Variants in MYO18B observed in about 807,000 individuals in gnomAD.
MYO18B encodes the protein unconventional myosin-XVIIIb.
In MYO18B, 204 loss-of-function variants were observed where a neutral mutation model predicts 273.0. That is an observed-to-expected ratio of 0.75 (90% confidence interval 0.67 to 0.84). The LOEUF is 0.84. Ranked by LOEUF, MYO18B falls within the 40% of genes least tolerant of loss-of-function variation. The pLI is 0.00. For synonymous variants in MYO18B, 1,330 were observed against 1,305.7 expected (o/e 1.02, Z -0.40); for missense variants, 3,212 against 3,287.6 (o/e 0.98, Z 0.56).
At chr22:25,774,547 TC>T (rs1368332023) in intron 7 of MYO18B, among the ~76,000 whole-genome samples, 3 of 152,164 alleles carry the variant, frequency 2.0e-5, no homozygotes, top group African/African-American at 7.2e-5. Context: ...TGAAGGTAGA[TC>T]CCCCTACTTC....
intron 12 of MYO18B, among the ~76,000 whole-genome samples, chr22:25,798,748 G>A (rs1040347819): frequency 4.6e-5 from 7 of 150,896 alleles, no homozygotes; most frequent in African/African-American, 1.7e-4. Flanking sequence ...TTATTTTTTT[G>A]TAGATAGGGG....
chr22:25,951,027 TAGGCTGGG>T (rs755801906), intron 37 of MYO18B, among the ~76,000 whole-genome samples: 48 of 152,202 alleles, frequency 3.2e-4, no homozygotes, highest in Non-Finnish European at 6.3e-4. Flanking sequence ...GAGAAAGATG[TAGGCTGGG>T]AGGCTAAGGC....
rs1601868865 is a variant in MYO18B, at chr22:26,027,255, A to G, written c.7281A>G (p.Lys2427=). ...TAGGCAGTGACCCATTCAGCTGGAA[A>G]CTCCCAAGCCTCGACTACGAACGCA... ...EPLGSDPFSW[K]LPSLDYERKT... The change falls in exon 43 of 44, where the codon AAA becomes AAG. Residue 2427 remains lysine, a synonymous_variant. Transcript: ENST00000335473. This position sits in a 1 kb window ranked among gnomAD's most constrained non-coding sequence, Gnocchi z 4.1. 2 of 1,612,846 alleles carry G rather than the reference A, an allele frequency of 1.2e-6. No individual in the cohort carries two copies. Among genetic ancestry groups the G allele is most frequent in the African/African-American group, 2.7e-5 (2 of 74,558 alleles).
rs751860012 is a variant in MYO18B, at chr22:26,026,802, C to T, written c.6828C>T (p.Pro2276=). The change falls in exon 43 of 44, where the codon CCC becomes CCT. Residue 2276 remains proline, a synonymous_variant. Transcript: ENST00000335473. ...CCACGCTGGGCCTAGAGGACTGGCC[C>T]ACTCTCCCCATTTACCAGACGACTG... ...QGSTLGLEDW[P]TLPIYQTTGA... 1 of 1,597,906 alleles carries T rather than the reference C, an allele frequency of 6.3e-7. No homozygotes were observed. The highest frequency in any genetic ancestry group is 1.3e-5 in the African/African-American group (1 of 74,114).
At chr22:25,810,385 A>ACTGTGC (rs1235934808) in intron 12 of MYO18B, among the ~76,000 whole-genome samples, 1 of 140,762 alleles carries the variant, frequency 7.1e-6, no homozygotes, top group East Asian at 2.1e-4. Flanking sequence ...GGTGTGAGCC[A>ACTGTGC]CTGTGCCTGT....
chr22:25,821,330 C>T (rs1956482422), intron 12 of MYO18B, among the ~76,000 whole-genome samples: 1 of 150,678 alleles, frequency 6.6e-6, no homozygotes, highest in African/African-American at 2.5e-5. Context: ...TCCTTGCCAG[C>T]ACTTTTGCTT....
At chr22:25,788,567 T>C (rs1458471653) in intron 11 of MYO18B, among the ~76,000 whole-genome samples, 1 of 152,220 alleles carries the variant, frequency 6.6e-6, no homozygotes, top group Non-Finnish European at 1.5e-5. Context: ...GAGGCCAGCA[T>C]TCTTGCTGTA....
chr22:25,840,365 G>A (rs1376068272), intron 17 of MYO18B, among the ~76,000 whole-genome samples: 1 of 152,206 alleles, frequency 6.6e-6, no homozygotes, highest in Non-Finnish European at 1.5e-5. Context: ...CCACATTCCA[G>A]CCCAGTGCTG....
At chr22:25,993,271 C>T (rs1385837716) in intron 40 of MYO18B, among the ~76,000 whole-genome samples, 2 of 152,178 alleles carry the variant, frequency 1.3e-5, no homozygotes, top group East Asian at 3.9e-4. Flanking sequence ...CCTTTGTACC[C>T]TTGGCTTATT....
Position 25,956,092 on chromosome 22 carries a change from G to A in MYO18B, c.6156+728G>A, listed in dbSNP as rs2092848261. Among the ~76,000 whole-genome samples the A allele has an allele frequency of 2.6e-5, 4 of 152,156 alleles. No individual in the cohort carries two copies. The South Asian group carries it at 8.3e-4, about 32-fold the overall frequency. Reference sequence around the variant, plus strand: ...AACTTGCCAAATTGAGGCTCCGAATGGTCCATTTGCTTGCCCAGGGTCACA... The same window carrying A: ...AACTTGCCAAATTGAGGCTCCGAATAGTCCATTTGCTTGCCCAGGGTCACA... On this transcript the variant is annotated intron_variant, in intron 39 of 43. Transcript: ENST00000335473.
chr22:26,027,777 A>G lies in MYO18B; in HGVS notation c.*12+87A>G, dbSNP rs1936375414. ...AGAGCAGGTGCCACTACTGTCCTTA[A>G]TGCCACAACCGATTTCTCTAGAGAC... On this transcript the variant is annotated intron_variant, in intron 43 of 43. Coordinates refer to ENST00000335473, the MANE Select transcript of MYO18B (RefSeq NM_032608.7). The surrounding 1 kb of genome is among the most constrained non-coding windows in gnomAD (Gnocchi z 4.1). 1 of 1,364,050 alleles carries G rather than the reference A, an allele frequency of 7.3e-7. No individual in the cohort carries two copies. Among genetic ancestry groups the G allele is most frequent in the Middle Eastern group, 2.6e-4 (1 of 3,800 alleles). The allele number at this position is 1,364,050 out of a possible 1,614,324, so 84.5% of individuals were successfully genotyped here.
At chr22:25,898,094 A>C (rs2091850469) in intron 28 of MYO18B, 1 of 538,924 alleles carries the variant, frequency 1.9e-6, no homozygotes, top group Non-Finnish European at 3.2e-6. Context: ...GATTGATGGA[A>C]TTATCCCCAC....
chr22:25,887,280 C>T (rs1298647203), intron 25 of MYO18B, among the ~76,000 whole-genome samples: 5 of 152,174 alleles, frequency 3.3e-5, no homozygotes, highest in Non-Finnish European at 1.5e-5. Context: ...GAACAAGCAA[C>T]AGTGACGGTC....
chr22:26,010,148 C>G (rs185473186), intron 42 of MYO18B, among the ~76,000 whole-genome samples: 3 of 152,120 alleles, frequency 2.0e-5, no homozygotes, highest in East Asian at 1.9e-4. Context: ...TTCTACCCCC[C>G]ACCCAAACAA....
intron 9 of MYO18B, 133 bp downstream of exon 9, chr22:25,780,331 C>A: frequency 8.7e-7 from 1 of 1,143,286 alleles, no homozygotes; most frequent in Non-Finnish European, 1.2e-6. Flanking sequence ...TGGCTCAGGC[C>A]TGTAATCCCA....
chr22:25,913,648 G>A (rs2092204913), intron 33 of MYO18B, among the ~76,000 whole-genome samples: 1 of 152,164 alleles, frequency 6.6e-6, no homozygotes, highest in Non-Finnish European at 1.5e-5. Context: ...GATTACAGGC[G>A]TGAGCCATCG....
chr22:26,042,395 C>T, the MYO18B span, among the ~76,000 whole-genome samples: 14 of 152,248 alleles, frequency 9.2e-5, no homozygotes, highest in South Asian at 6.2e-4. Context: ...ACCCATCCCC[C>T]GGCCTGCCCT....
intron 12 of MYO18B, among the ~76,000 whole-genome samples, chr22:25,814,715 A>G (rs1474471804): frequency 6.6e-6 from 1 of 152,174 alleles, no homozygotes; most frequent in Non-Finnish European, 1.5e-5. Context: ...GAGACAAAGC[A>G]TAACAATACT....
intron 39 of MYO18B, among the ~76,000 whole-genome samples, chr22:25,967,349 A>G (rs1243949122): frequency 6.6e-6 from 1 of 152,236 alleles, no homozygotes; most frequent in Non-Finnish European, 1.5e-5. Context: ...GTTAGTCTTC[A>G]TGGTAGAAAG....
Sources: allele counts gnomAD v4.1 joint callset (sites outside exome capture counted in the v4.1 genomes callset), GRCh38; gene constraint gnomAD v4.1.1; non-coding constraint Gnocchi (gnomAD v3.1); transcripts MANE v1.5; gene names NCBI Gene and HGNC (gene_info 2026-07-23, HGNC 2026-07-21).